The following ENTREP2 variants were observed in gnomAD, a reference collection of about 807,000 sequenced individuals.
The protein encoded by ENTREP2 is endosomal transmembrane epsin interactor 2.
the ENTREP2 span, among the ~76,000 whole-genome samples, chr15:29,148,092 A>AG: frequency 4.5e-4 from 69 of 152,352 alleles, no homozygotes; most frequent in Non-Finnish European, 8.2e-4. Context: ...CAGAACAGGC[A>AG]AATCCATGGA....
chr15:29,136,594 G>A, the ENTREP2 span: 3 of 1,357,630 alleles, frequency 2.2e-6, no homozygotes, highest in East Asian at 5.4e-5. Flanking sequence ...GGCGGCCAGG[G>A]CTTCCCCTCT....
chr15:29,417,088 T>G, the ENTREP2 span, among the ~76,000 whole-genome samples: 5 of 152,200 alleles, frequency 3.3e-5, no homozygotes, highest in African/African-American at 4.8e-5. Flanking sequence ...TCAGTGTGGC[T>G]ATTCCTCAGG....
chr15:29,170,599 A>AGTGT, the ENTREP2 span, among the ~76,000 whole-genome samples: 613 of 148,640 alleles, frequency 4.1e-3, 26 homozygotes, highest in East Asian at 0.098. Context: ...TGTGTGTGTG[A>AGTGT]GTGTGTGTGT....
chr15:29,607,716 G>A, the ENTREP2 span, among the ~76,000 whole-genome samples: 19 of 152,018 alleles, frequency 1.2e-4, no homozygotes, highest in South Asian at 2.1e-4. Flanking sequence ...TCTAGTGCTC[G>A]TTTTTTCATG....
the ENTREP2 span, among the ~76,000 whole-genome samples, chr15:29,593,827 G>A: frequency 1.3e-5 from 2 of 152,202 alleles, no homozygotes; most frequent in Non-Finnish European, 2.9e-5. Context: ...AGTGTGGCTT[G>A]CAGTGATGTA....
chr15:29,231,976 G>A, the ENTREP2 span, among the ~76,000 whole-genome samples: 17 of 145,172 alleles, frequency 1.2e-4, no homozygotes, highest in Middle Eastern at 3.4e-3. Context: ...AGTAACCTCC[G>A]CCTCCCAGGT....
At chr15:29,248,689 A>C in the ENTREP2 span, among the ~76,000 whole-genome samples, 1 of 152,220 alleles carries the variant, frequency 6.6e-6, no homozygotes, top group Admixed American at 6.5e-5. Flanking sequence ...AATTCAAATT[A>C]AACAATGAAA....
the ENTREP2 span, among the ~76,000 whole-genome samples, chr15:29,430,925 C>G: frequency 2.6e-5 from 4 of 152,164 alleles, no homozygotes; most frequent in Admixed American, 2.6e-4. Context: ...ACTGACACGG[C>G]TCCGGTGAGC....
chr15:29,159,979 G>A, the ENTREP2 span, among the ~76,000 whole-genome samples: 5 of 152,264 alleles, frequency 3.3e-5, no homozygotes, highest in African/African-American at 9.6e-5. Context: ...AGGAGGCGGC[G>A]CTCGCCCGGG....
chr15:29,242,194 A>T, the ENTREP2 span, among the ~76,000 whole-genome samples: 16 of 152,060 alleles, frequency 1.1e-4, no homozygotes, highest in Non-Finnish European at 2.2e-4. Context: ...CCCCGGTTCA[A>T]GTAGCTGGGA....
At chr15:29,247,623 AATG>A in the ENTREP2 span, among the ~76,000 whole-genome samples, 1 of 152,244 alleles carries the variant, frequency 6.6e-6, no homozygotes, top group Non-Finnish European at 1.5e-5. Context: ...GTGTGCATGC[AATG>A]ATAACACTGG....
the ENTREP2 span, among the ~76,000 whole-genome samples, chr15:29,281,365 G>A: frequency 6.6e-6 from 1 of 152,166 alleles, no homozygotes. Context: ...GTTTAGGAGT[G>A]GACATGTGAC....
the ENTREP2 span, among the ~76,000 whole-genome samples, chr15:29,585,714 G>A: frequency 6.6e-6 from 1 of 152,148 alleles, no homozygotes; most frequent in Non-Finnish European, 1.5e-5. Flanking sequence ...AAATTAGCCG[G>A]GCGCGGTGGC....
chr15:29,351,423 A>G, the ENTREP2 span, among the ~76,000 whole-genome samples: 24 of 152,342 alleles, frequency 1.6e-4, no homozygotes, highest in African/African-American at 5.5e-4. Context: ...TTTGTAATCA[A>G]TAATAACAGG....
the ENTREP2 span, among the ~76,000 whole-genome samples, chr15:29,158,827 T>G: frequency 6.6e-6 from 1 of 152,174 alleles, no homozygotes; most frequent in East Asian, 1.9e-4. Context: ...AAGGAAGTTA[T>G]GTATCTAATA....
chr15:29,224,151 G>A, the ENTREP2 span, among the ~76,000 whole-genome samples: 5 of 152,022 alleles, frequency 3.3e-5, no homozygotes, highest in African/African-American at 4.8e-5. Flanking sequence ...TCGTGGTCTC[G>A]CTGGCTCAGC....
the ENTREP2 span, among the ~76,000 whole-genome samples, chr15:29,212,688 T>C: frequency 1.3e-5 from 2 of 152,180 alleles, no homozygotes; most frequent in Non-Finnish European, 2.9e-5. Context: ...GTTTGTGTCA[T>C]TATTGTCTTT....
At chr15:29,560,149 A>T in the ENTREP2 span, among the ~76,000 whole-genome samples, 1 of 152,222 alleles carries the variant, frequency 6.6e-6, no homozygotes. Context: ...TTTTTGAAGA[A>T]GAATCAGTAG....
At chr15:29,148,503 T>C in the ENTREP2 span, among the ~76,000 whole-genome samples, 1 of 152,374 alleles carries the variant, frequency 6.6e-6, no homozygotes, top group East Asian at 1.9e-4. Context: ...CTGTATACTT[T>C]GAATCATCTC....
Sources: gnomAD v4.1 joint callset for allele counts (sites outside exome capture counted in the v4.1 genomes callset) on GRCh38, gnomAD v4.1.1 for gene constraint, MANE v1.5 for transcripts, NCBI Gene and HGNC (gene_info 2026-07-23, HGNC 2026-07-21) for gene names.